Variants in CFAP57 observed in about 807,000 individuals in gnomAD.
The protein encoded by CFAP57 is cilia- and flagella-associated protein 57.
Under a neutral mutation model 146.8 loss-of-function variants are expected in CFAP57, and 116 were observed. The observed-to-expected ratio is 0.79, with a 90% confidence interval of 0.68 to 0.92. CFAP57 has a LOEUF of 0.92. CFAP57 is among the 40% of genes least tolerant of loss of function. CFAP57 has a pLI of 0.00. For synonymous variants in CFAP57, 518 were observed against 552.8 expected, an observed-to-expected ratio of 0.94 and a Z score of 0.88; for missense variants, 1,377 against 1,527.2, an observed-to-expected ratio of 0.90 and a Z score of 1.64.
intron 21 of CFAP57, among the ~76,000 whole-genome samples, chr1:43,235,208 T>G (rs1471180141): frequency 6.6e-6 from 1 of 152,144 alleles, no homozygotes; most frequent in Non-Finnish European, 1.5e-5. Context: ...GGCCTCACTC[T>G]GGTTTAATAA....
chr1:43,224,305 T>A (rs1645159783), intron 17 of CFAP57, 101 bp downstream of exon 17: 2 of 1,324,552 alleles, frequency 1.5e-6, no homozygotes, highest in Admixed American at 2.9e-5. Context: ...TCAGGACGCA[T>A]TTCTTTAACT....
In CFAP57 at chr1:43,191,586, C is replaced by CAAAA. The variant is rs10672819; in HGVS notation, c.1122+4744_1122+4747dup. The stretch of plus-strand genomic sequence containing the variant: ...TGGGTGACAAAGCAAGACTCCGTCT[C>CAAAA]AAAAAAAAAAAAAAAAAAAAGTAAT... On this transcript the variant is annotated intron_variant, in intron 6 of 22. Coordinates refer to ENST00000372492, the MANE Select transcript of CFAP57 (RefSeq NM_001378189.1). 4.8e-3 allele frequency among the ~76,000 whole-genome samples: 313 copies of CAAAA among 65,000 alleles called. 5 individuals carry two copies. Among genetic ancestry groups the CAAAA allele is most frequent in the African/African-American group, 0.015 (269 of 17,678 alleles). 42.6% of individuals were successfully genotyped at this position (65,000 alleles called of 152,430 possible). A position where few individuals can be genotyped will look rare whatever the true frequency, so the allele number is the denominator to read the frequency against.
At position 43,201,816 on chromosome 1, in the gene CFAP57, T is replaced by C. The variant is rs1437024469; in HGVS notation, c.1542+2313T>C. On this transcript the variant is annotated intron_variant, in intron 9 of 22. Transcript: ENST00000372492. This position sits in a 1 kb window ranked among gnomAD's most constrained non-coding sequence, Gnocchi z 4.4. ...TTTTAATAGAGACGGGGTTTCTCCA[T>C]GTTGGTCAGGCTGGTCTTGAACTAC... Among the ~76,000 whole-genome samples the C allele has an allele frequency of 1.3e-5, 2 of 152,206 alleles. No individual in the cohort carries two copies. Among genetic ancestry groups the C allele is most frequent in the African/African-American group, 4.8e-5 (2 of 41,458 alleles).
At chr1:43,242,618 A>G (rs1417643143) in intron 21 of CFAP57, among the ~76,000 whole-genome samples, 1 of 152,190 alleles carries the variant, frequency 6.6e-6, no homozygotes, top group Non-Finnish European at 1.5e-5. Flanking sequence ...TTTGCACTTT[A>G]TGGACTTACC....
At chr1:43,240,337 T>C (rs1217034296) in intron 21 of CFAP57, among the ~76,000 whole-genome samples, 1 of 152,228 alleles carries the variant, frequency 6.6e-6, no homozygotes, top group Non-Finnish European at 1.5e-5. Context: ...CTACTGTGTA[T>C]GTGCCATGGG....
intron 18 of CFAP57, 59 bp downstream of exon 18, chr1:43,227,185 T>C: frequency 6.9e-7 from 1 of 1,446,326 alleles, no homozygotes; most frequent in Non-Finnish European, 9.1e-7. Context: ...CTTCCACAAT[T>C]GGCTAGCTGG....
chr1:43,208,636 G>A (rs997265281), intron 10 of CFAP57, among the ~76,000 whole-genome samples: 1 of 152,154 alleles, frequency 6.6e-6, no homozygotes, highest in Non-Finnish European at 1.5e-5. Context: ...ACACAACGGG[G>A]CCTGTCGTGG....
chr1:43,225,540 T>C (rs1645212863), intron 17 of CFAP57, among the ~76,000 whole-genome samples: 1 of 152,164 alleles, frequency 6.6e-6, no homozygotes, highest in African/African-American at 2.4e-5. Flanking sequence ...TTCTGAACTC[T>C]TTCCCCCAAC....
At chr1:43,181,936 A>C (rs920366771) in intron 3 of CFAP57, 86 bp downstream of exon 3, 176 of 1,436,556 alleles carry the variant, frequency 1.2e-4, no homozygotes, top group Non-Finnish European at 1.5e-4. Flanking sequence ...CACAGTTCTA[A>C]TTTCCTCCAT....
chr1:43,253,103 G>T (rs577381871), intron 22 of CFAP57, among the ~76,000 whole-genome samples: 2 of 152,150 alleles, frequency 1.3e-5, no homozygotes. Context: ...CAAGCAGGGC[G>T]CATGGGACAG....
intron 2 of CFAP57, among the ~76,000 whole-genome samples, chr1:43,175,502 A>C (rs1394832371): frequency 6.6e-6 from 1 of 150,786 alleles, no homozygotes; most frequent in Non-Finnish European, 1.5e-5. Context: ...TTTTTATTTT[A>C]TTTTATTTTA....
chr1:43,234,749 G>A (rs1165702433), intron 21 of CFAP57, 111 bp downstream of exon 21: 8 of 1,319,634 alleles, frequency 6.1e-6, no homozygotes, highest in African/African-American at 6.0e-5. Flanking sequence ...AGGTGTCTGG[G>A]GGCCCAGTAG....
intron 10 of CFAP57, 61 bp from the exon 11 acceptor site, chr1:43,209,682 C>T: frequency 4.7e-6 from 7 of 1,501,926 alleles, no homozygotes; most frequent in Non-Finnish European, 4.6e-6. Flanking sequence ...GAGAGTATGG[C>T]ACTGGGACGT....
At chr1:43,216,151 TAA>T (rs1570158478) in intron 12 of CFAP57, among the ~76,000 whole-genome samples, 1 of 152,200 alleles carries the variant, frequency 6.6e-6, no homozygotes. Context: ...TCCAGAATCT[TAA>T]GTGTGTTTAT....
chr1:43,186,568 G>A, intron 5 of CFAP57, 139 bp from the exon 6 acceptor site: 2 of 834,496 alleles, frequency 2.4e-6, no homozygotes, highest in Non-Finnish European at 3.6e-6. Flanking sequence ...CTGAGATAGT[G>A]CCACTGCACT....
intron 19 of CFAP57, among the ~76,000 whole-genome samples, chr1:43,232,904 A>G (rs1391625681): frequency 6.6e-6 from 1 of 152,202 alleles, no homozygotes; most frequent in Admixed American, 6.5e-5. Context: ...TCTTTGGAGG[A>G]GGAAAGTACG....
intron 22 of CFAP57, among the ~76,000 whole-genome samples, 200 bp from the exon 23 acceptor site, chr1:43,253,777 A>T (rs1449808336): frequency 6.6e-6 from 1 of 151,926 alleles, no homozygotes; most frequent in African/African-American, 2.4e-5. Context: ...TCACCTCATC[A>T]CTCTGAAGTA....
intron 22 of CFAP57, among the ~76,000 whole-genome samples, chr1:43,248,334 T>C (rs1325449633): frequency 8.0e-5 from 12 of 149,480 alleles, no homozygotes; most frequent in African/African-American, 2.9e-4. Context: ...TTTTTTTTTT[T>C]TGAGACAGAG....
chr1:43,248,723 A>G (rs1476915757), intron 22 of CFAP57, among the ~76,000 whole-genome samples: 6 of 152,182 alleles, frequency 3.9e-5, no homozygotes, highest in Non-Finnish European at 8.8e-5. Flanking sequence ...CCCATTTCAT[A>G]TACAGAATTA....
Sources: allele counts gnomAD v4.1 joint callset (sites outside exome capture counted in the v4.1 genomes callset), GRCh38; gene constraint gnomAD v4.1.1; non-coding constraint Gnocchi (gnomAD v3.1); transcripts MANE v1.5; gene names NCBI Gene and HGNC (gene_info 2026-07-23, HGNC 2026-07-21).